The following NECTIN1 variants were observed in gnomAD, a reference collection of about 807,000 sequenced individuals.
NECTIN1 encodes the protein nectin cell adhesion molecule 1.
A neutral mutation model predicts 48.0 loss-of-function variants in NECTIN1; 23 were observed. The ratio of observed to expected loss-of-function variants is 0.48; its 90% CI spans 0.34 to 0.68. The LOEUF (loss-of-function observed/expected upper bound fraction) is 0.68, where lower values mean the gene tolerates loss of function less well. NECTIN1 is among the 30% of genes least tolerant of loss of function. The pLI is 0.01. For synonymous variants in NECTIN1, 270 were observed against 288.9 expected (o/e 0.93, Z 0.66); for missense variants, 591 against 709.9 (o/e 0.83, Z 1.90).
Position 119,661,738 on chromosome 11 carries a change from C to T in NECTIN1, c.*3009G>A, listed in dbSNP as rs548654093. On this transcript the variant is annotated 3_prime_UTR_variant, in exon 6 of 6. Transcript: ENST00000264025. ...CTATAAGGCTCTCTTGCAGCCCGGG[C>T]ACTGGGAAATTCGTTTCTCCTTAAT... 1.0e-5 allele frequency: 10 copies of T among 985,768 alleles called. No homozygotes were observed. In the South Asian group the frequency reaches 4.7e-4, roughly 46 times the overall value. The allele number at this position is 985,768 out of a possible 1,614,324, so 61.1% of individuals were successfully genotyped here. A position where few individuals can be genotyped will look rare whatever the true frequency, so the allele number is the denominator to read the frequency against.
intron 5 of NECTIN1, among the ~76,000 whole-genome samples, chr11:119,652,800 C>T (rs1278954041): frequency 2.6e-5 from 4 of 152,152 alleles, no homozygotes; most frequent in African/African-American, 9.7e-5. Flanking sequence ...CCACTCCCAG[C>T]AGAAATGAGG....
chr11:119,650,931 A>G (rs943526639), intron 5 of NECTIN1, among the ~76,000 whole-genome samples: 1 of 152,192 alleles, frequency 6.6e-6, no homozygotes, highest in Non-Finnish European at 1.5e-5. Context: ...ATAAATGTAA[A>G]GAATTCTTAC....
In NECTIN1 at chr11:119,729,137, C is replaced by G. The variant is rs1339873038; in HGVS notation, c.-584G>C. 1 of 151,838 alleles carries G rather than the reference C, an allele frequency of 6.6e-6. No homozygotes were observed. The highest frequency in any genetic ancestry group is 2.0e-4 in the South Asian group (1 of 4,940). 9.4% of individuals were successfully genotyped at this position (151,838 alleles called of 1,614,324 possible). ...AGGCGCCGCGCGTCCCAGCCGCCGCCGCTCTGCCGGGTGCCGGCGATCCGC... is the reference window on the plus strand; with the variant it reads ...AGGCGCCGCGCGTCCCAGCCGCCGCGGCTCTGCCGGGTGCCGGCGATCCGC... On this transcript the variant is annotated 5_prime_UTR_variant, in exon 1 of 6. Coordinates refer to ENST00000264025, the MANE Select transcript of NECTIN1 (RefSeq NM_002855.5).
rs763282379 is a variant in NECTIN1, at chr11:119,675,268, T to C, written c.894A>G (p.Arg298=). Residue 298 remains arginine, a synonymous_variant, in exon 5 of 6, where the codon AGA becomes AGG. Transcript: ENST00000264025. ...SLPKGVEAQN[R]TLFFKGPINY... ...TGATGGGTCCCTTGAAGAAGAGGGT[T>C]CTGTTCTGGGCCTCCACACCCTTGG... The C allele has an allele frequency of 6.2e-7, 1 of 1,613,976 alleles. No homozygotes were observed. Among genetic ancestry groups the C allele is most frequent in the Non-Finnish European group, 8.5e-7 (1 of 1,180,002 alleles).
In NECTIN1 at chr11:119,661,692, C is replaced by G. The variant is rs1864668459; in HGVS notation, c.*3055G>C. On this transcript the variant is annotated 3_prime_UTR_variant, in exon 6 of 6. Transcript: ENST00000264025. Reference sequence around the variant, plus strand: ...TGGGGGTTGGCTGGCAGAGGAAGCGCATGCCCAGGAAACAGGGCCCCTATA... The same window carrying G: ...TGGGGGTTGGCTGGCAGAGGAAGCGGATGCCCAGGAAACAGGGCCCCTATA... 3 of 985,904 alleles carry G rather than the reference C, an allele frequency of 3.0e-6. No homozygotes were observed. Among genetic ancestry groups the G allele is most frequent in the Non-Finnish European group, 3.6e-6 (3 of 829,962 alleles). 61.1% of individuals were successfully genotyped at this position (985,904 alleles called of 1,614,324 possible).
intron 5 of NECTIN1, among the ~76,000 whole-genome samples, chr11:119,666,193 G>A (rs1373822937): frequency 2.0e-5 from 3 of 152,226 alleles, no homozygotes; most frequent in South Asian, 4.1e-4. Flanking sequence ...ACACACAAGT[G>A]GGCACATGCA....
rs1166433683 is a variant in NECTIN1, at chr11:119,661,104, G to T, written c.*3643C>A. 21 of 985,136 alleles carry T rather than the reference G, an allele frequency of 2.1e-5. No homozygotes were observed. Among genetic ancestry groups the T allele is most frequent in the Admixed American group, 6.1e-5 (1 of 16,268 alleles). The allele number at this position is 985,136 out of a possible 1,614,324, so 61.0% of individuals were successfully genotyped here. A position where few individuals can be genotyped will look rare whatever the true frequency, so the allele number is the denominator to read the frequency against. ...AGGGGGTGATGCAAACACCCCCCAG[G>T]TCAGAACCAGGAGGATCTGCTGGGC... On this transcript the variant is annotated 3_prime_UTR_variant, in exon 6 of 6. Transcript: ENST00000264025.
rs1390657627 is a variant in NECTIN1, at chr11:119,677,167, C to A, written c.786G>T (p.Arg262=). Residue 262 remains arginine, a synonymous_variant, in exon 4 of 6, where the codon CGG becomes CGT. Coordinates refer to ENST00000264025, the MANE Select transcript of NECTIN1 (RefSeq NM_002855.5). This position sits in a 1 kb window ranked among gnomAD's most constrained non-coding sequence, Gnocchi z 5.4. ...CTTTGCAGGTGAGCTTCACGTCCAT[C>A]CGCTGCAGGTACCAGTTGCCATCAA... ...EGFDGNWYLQ[R]MDVKLTCKAD... 3 of 1,614,140 alleles carry A rather than the reference C, an allele frequency of 1.9e-6. No individual in the cohort carries two copies. Among genetic ancestry groups the A allele is most frequent in the Non-Finnish European group, 2.5e-6 (3 of 1,180,028 alleles).
At chr11:119,647,406 C>T (rs995369142) in intron 5 of NECTIN1, among the ~76,000 whole-genome samples, 1 of 152,022 alleles carries the variant, frequency 6.6e-6, no homozygotes, top group Non-Finnish European at 1.5e-5. Context: ...TCTGAACCCC[C>T]TCCAAGCTCA....
rs200513188 is a variant in NECTIN1, at chr11:119,677,606, C to A, written c.682G>T (p.Val228Phe). ...TTGAAGCGGTCCATGTGGTAGTTGACGATGCAGGCCAAGGACTGCTGGTGG... is the reference window on the plus strand; with the variant it reads ...TTGAAGCGGTCCATGTGGTAGTTGAAGATGCAGGCCAAGGACTGCTGGTGG... ...EAHQQSLACI[V>F]NYHMDRFKES... The change falls in exon 3 of 6, where the codon GTC becomes TTC. Residue 228 changes from valine (V) to phenylalanine (F), a missense_variant. By Grantham distance (50) the Val-to-Phe change is conservative (BLOSUM62 -1). Coordinates refer to ENST00000264025, the MANE Select transcript of NECTIN1 (RefSeq NM_002855.5). The surrounding 1 kb of genome is among the most constrained non-coding windows in gnomAD (Gnocchi z 5.4). 1.2e-6 allele frequency: 2 copies of A among 1,613,236 alleles called. No individual in the cohort carries two copies. The highest frequency in any genetic ancestry group is 1.7e-6 in the Non-Finnish European group (2 of 1,180,014).
At chr11:119,681,941 G>T (rs117736579) in intron 1 of NECTIN1, among the ~76,000 whole-genome samples, 2,088 of 152,262 alleles carry the variant, frequency 0.014, 27 homozygotes, top group Non-Finnish European at 0.02. Flanking sequence ...GGTGACCCAT[G>T]GGGTGAGCAT....
At chr11:119,722,829 T>C (rs1023869849) in intron 1 of NECTIN1, among the ~76,000 whole-genome samples, 2 of 152,180 alleles carry the variant, frequency 1.3e-5, no homozygotes, top group Admixed American at 1.3e-4. Flanking sequence ...AGGGAAGGCA[T>C]AGGGGATAGA....
intron 1 of NECTIN1, among the ~76,000 whole-genome samples, chr11:119,687,731 T>C (rs1307121906): frequency 3.3e-5 from 5 of 152,156 alleles, no homozygotes; most frequent in African/African-American, 1.2e-4. Context: ...ACATCTGCAT[T>C]GTCTCAGCCC....
chr11:119,716,268 C>A (rs1272738474), intron 1 of NECTIN1, among the ~76,000 whole-genome samples: 1 of 152,140 alleles, frequency 6.6e-6, no homozygotes, highest in Non-Finnish European at 1.5e-5. Context: ...GGGGCACACA[C>A]AGCCAGGAGG....
chr11:119,691,437 A>G (rs146652746), intron 1 of NECTIN1, among the ~76,000 whole-genome samples: 5 of 152,330 alleles, frequency 3.3e-5, no homozygotes, highest in East Asian at 1.9e-4. Flanking sequence ...AGGTTGTGAC[A>G]TGGGGTTTTG....
chr11:119,686,568 G>A (rs765575602), intron 1 of NECTIN1, among the ~76,000 whole-genome samples: 8 of 152,046 alleles, frequency 5.3e-5, no homozygotes, highest in South Asian at 2.1e-4. Context: ...AAGTTTTTCC[G>A]GGCTCTAGAC....
In NECTIN1 at chr11:119,664,781, C is replaced by T. The variant is rs202095358; in HGVS notation, c.1520G>A (p.Gly507Glu). 116 of 1,612,706 alleles carry T rather than the reference C, an allele frequency of 7.2e-5. No homozygotes were observed. The highest frequency in any genetic ancestry group is 2.7e-5 in the African/African-American group (2 of 74,830). ...CCACTCCTTCTTGGAAATGAAAGAC[C>T]CGTCGTTCTGAGAAACCATGTTCTC... ...LAENMVSQND[G>E]SFISKKEWYV Residue 507 changes from glycine (G) to glutamate (E), a missense_variant, in exon 6 of 6, where the codon GGG becomes GAG. Gly to Glu is a moderately conservative substitution (Grantham distance 98). Coordinates refer to ENST00000264025, the MANE Select transcript of NECTIN1 (RefSeq NM_002855.5).
Position 119,663,759 on chromosome 11 carries a change from A to G in NECTIN1, c.*988T>C. ...CACGCTGTAAGAAGCAGTTTGGGGC[A>G]GGCCTGAGATCCTAGGGTGGAGGCA... is the stretch of plus-strand genomic sequence containing the variant. On this transcript the variant is annotated 3_prime_UTR_variant, in exon 6 of 6. Coordinates refer to ENST00000264025, the MANE Select transcript of NECTIN1 (RefSeq NM_002855.5). 1.0e-6 allele frequency: 1 copy of G among 985,524 alleles called. No individual in the cohort carries two copies. Among genetic ancestry groups the G allele is most frequent in the Non-Finnish European group, 1.2e-6 (1 of 829,980 alleles). 61.0% of individuals were successfully genotyped at this position (985,524 alleles called of 1,614,324 possible).
downstream of NECTIN1, chr11:119,658,939 T>A (rs1246024557): frequency 6.6e-6 from 1 of 152,220 alleles, no homozygotes; most frequent in Non-Finnish European, 1.5e-5. Context: ...AGAATGAGTG[T>A]GTTGGGGTAG....
Sources: allele counts gnomAD v4.1 joint callset (sites outside exome capture counted in the v4.1 genomes callset), GRCh38; gene constraint gnomAD v4.1.1; non-coding constraint Gnocchi (gnomAD v3.1); transcripts MANE v1.5; gene names NCBI Gene and HGNC (gene_info 2026-07-23, HGNC 2026-07-21).